Variants in UNC13C observed in about 807,000 individuals in gnomAD.
UNC13C encodes the protein unc-13 homolog C, also known as protein unc-13 homolog C.
A neutral mutation model predicts 245.4 loss-of-function variants in UNC13C; 174 were observed. The ratio of observed to expected loss-of-function variants is 0.71; its 90% CI spans 0.63 to 0.80. The LOEUF is 0.80. Among genes scored for constraint, UNC13C ranks in the 30% least tolerant of loss-of-function variants. The pLI is 0.00. For synonymous variants in UNC13C, 992 were observed against 895.1 expected, an observed-to-expected ratio of 1.11 and a Z score of -1.93; for missense variants, 2,829 against 2,602.9, an observed-to-expected ratio of 1.09 and a Z score of -1.89.
chr15:54,400,492 G>C (rs556798549), intron 18 of UNC13C, among the ~76,000 whole-genome samples: 1 of 151,954 alleles, frequency 6.6e-6, no homozygotes, highest in South Asian at 2.1e-4. Flanking sequence ...TTCCTTCATA[G>C]TCATTACTCT....
At chr15:54,249,235 G>GT (rs11284943) in intron 7 of UNC13C, among the ~76,000 whole-genome samples, 99 of 148,524 alleles carry the variant, frequency 6.7e-4, no homozygotes, top group East Asian at 4.6e-3. Context: ...TTGGTGGTTT[G>GT]TTTTTTTTTT....
chr15:54,214,103 A>C (rs968091111), intron 4 of UNC13C, among the ~76,000 whole-genome samples: 1 of 152,064 alleles, frequency 6.6e-6, no homozygotes, highest in Non-Finnish European at 1.5e-5. Context: ...TCATTAAAAC[A>C]GTACCTGATG....
At chr15:54,170,987 A>C (rs2033377754) in intron 4 of UNC13C, among the ~76,000 whole-genome samples, 1 of 152,184 alleles carries the variant, frequency 6.6e-6, no homozygotes, top group Admixed American at 6.5e-5. Flanking sequence ...CGTGTACAAA[A>C]ATCACAAGGA....
intron 17 of UNC13C, among the ~76,000 whole-genome samples, chr15:54,384,117 C>G (rs961595896): frequency 2.6e-5 from 4 of 152,088 alleles, no homozygotes; most frequent in African/African-American, 9.7e-5. Flanking sequence ...TAATTCCTAT[C>G]AAAATACCAA....
rs2140936298 is a variant in UNC13C, at chr15:54,293,907, C to A, written c.3831C>A (p.Asn1277Lys). ...WDEKFYFECH[N>K]STDRIKVRVW... ...CATTTATTTTCAGTGAGTGTCATAA[C>A]TCCACAGATCGAATCAAAGTCAGAG... Residue 1277 changes from asparagine (N) to lysine (K), a missense_variant, in exon 11 of 33, where the codon AAC becomes AAA. Transcript: ENST00000260323. 6.4e-7 allele frequency: 1 copy of A among 1,561,050 alleles called. No homozygotes were observed.
chr15:54,461,534 G>T (rs1394961178), intron 19 of UNC13C, among the ~76,000 whole-genome samples: 2 of 151,954 alleles, frequency 1.3e-5, no homozygotes, highest in African/African-American at 2.4e-5. Context: ...AATCTCCATG[G>T]TCTTCATTTT....
intron 2 of UNC13C, among the ~76,000 whole-genome samples, chr15:54,061,933 G>T (rs1272772362): frequency 2.0e-5 from 3 of 152,098 alleles, no homozygotes; most frequent in Non-Finnish European, 4.4e-5. Flanking sequence ...TCAGAATTTG[G>T]GCAGCCCGTA....
chr15:54,125,569 C>G (rs980151539), intron 2 of UNC13C, among the ~76,000 whole-genome samples: 3 of 152,134 alleles, frequency 2.0e-5, no homozygotes, highest in African/African-American at 4.8e-5. Flanking sequence ...TTCCAATTCA[C>G]AAACGTGGTA....
the UNC13C span, among the ~76,000 whole-genome samples, chr15:53,893,155 C>A: frequency 7.9e-5 from 12 of 152,158 alleles, no homozygotes; most frequent in Admixed American, 5.9e-4. Context: ...CACTCCAGAC[C>A]CTGTTTGCCT....
At chr15:54,358,625 T>G (rs1187426114) in intron 17 of UNC13C, among the ~76,000 whole-genome samples, 3 of 152,134 alleles carry the variant, frequency 2.0e-5, no homozygotes. Context: ...GTAATTGGTG[T>G]GTAGAAATGC....
chr15:54,294,211 G>A, intron 11 of UNC13C, 147 bp downstream of exon 11: 1 of 711,346 alleles, frequency 1.4e-6, no homozygotes, highest in East Asian at 3.1e-5. Context: ...TCATTGACAA[G>A]AAAAGGCTAT....
At chr15:53,972,625 C>A in the UNC13C span, 1 of 152,224 alleles carries the variant, frequency 6.6e-6, no homozygotes, top group African/African-American at 2.4e-5. Context: ...GACATCGCCA[C>A]AAAATTTTGA....
chr15:53,952,044 A>T, the UNC13C span, among the ~76,000 whole-genome samples: 53 of 152,268 alleles, frequency 3.5e-4, no homozygotes, highest in African/African-American at 1.3e-3. Flanking sequence ...ATGTATCAGC[A>T]ATAGGATGAT....
intron 4 of UNC13C, among the ~76,000 whole-genome samples, chr15:54,151,079 A>C (rs1169191627): frequency 6.6e-6 from 1 of 152,066 alleles, no homozygotes; most frequent in Admixed American, 6.5e-5. Flanking sequence ...ATTCTTTCTT[A>C]CTGAGTGGTA....
intron 4 of UNC13C, among the ~76,000 whole-genome samples, chr15:54,230,778 A>C (rs2035529892): frequency 6.6e-6 from 1 of 152,068 alleles, no homozygotes; most frequent in South Asian, 2.1e-4. Context: ...AAAATAAGTG[A>C]GGTGACAAGT....
intron 2 of UNC13C, among the ~76,000 whole-genome samples, chr15:54,028,440 A>C (rs1896210854): frequency 6.6e-6 from 1 of 152,174 alleles, no homozygotes; most frequent in African/African-American, 2.4e-5. Context: ...ACGTCTCAGC[A>C]TCCAGCGATA....
At chr15:53,995,822 TC>T (rs1894605031) in intron 1 of UNC13C, among the ~76,000 whole-genome samples, 1 of 152,158 alleles carries the variant, frequency 6.6e-6, no homozygotes, top group African/African-American at 2.4e-5. Context: ...AAGAGAAATT[TC>T]AGTAGAGTAC....
At chr15:54,249,231 G>A (rs1296994574) in intron 7 of UNC13C, among the ~76,000 whole-genome samples, 1 of 106,082 alleles carries the variant, frequency 9.4e-6, no homozygotes, top group African/African-American at 4.4e-5. Flanking sequence ...GTTGTTGGTG[G>A]TTTGTTTTTT....
At chr15:54,550,114 A>C (rs1220158438) in intron 28 of UNC13C, among the ~76,000 whole-genome samples, 1 of 152,184 alleles carries the variant, frequency 6.6e-6, no homozygotes, top group Non-Finnish European at 1.5e-5. Flanking sequence ...TGAGATTCCC[A>C]AAACACTGGA....
Sources: gnomAD v4.1 joint callset for allele counts (sites outside exome capture counted in the v4.1 genomes callset) on GRCh38, gnomAD v4.1.1 for gene constraint, MANE v1.5 for transcripts, NCBI Gene and HGNC (gene_info 2026-07-23, HGNC 2026-07-21) for gene names.